The following LINGO2 variants were observed in gnomAD, a reference collection of about 807,000 sequenced individuals.
LINGO2 encodes leucine rich repeat and Ig domain containing 2.
A neutral mutation model predicts 30.6 loss-of-function variants in LINGO2; 14 were observed. The ratio of observed to expected loss-of-function variants is 0.46; its 90% CI spans 0.30 to 0.72. LINGO2 has a LOEUF of 0.72. LINGO2 is among the 30% of genes least tolerant of loss of function. The pLI is 0.07. For missense variants in LINGO2, 729 were observed against 751.7 expected (o/e 0.97, Z 0.35); for synonymous variants, 317 against 288.5 (o/e 1.10, Z -1.00).
intron 1 of LINGO2, among the ~76,000 whole-genome samples, chr9:28,648,695 A>C (rs533438166): frequency 6.6e-6 from 1 of 152,288 alleles, no homozygotes; most frequent in African/African-American, 2.4e-5. Flanking sequence ...TTGACTTCAC[A>C]AGTCTTAGTA....
intron 4 of LINGO2, among the ~76,000 whole-genome samples, chr9:28,135,549 A>G (rs1251273539): frequency 6.6e-6 from 1 of 151,890 alleles, no homozygotes; most frequent in Non-Finnish European, 1.5e-5. Context: ...TCCTCCCCAT[A>G]TCATTTTCAT....
chr9:29,169,445 C>A, the LINGO2 span, among the ~76,000 whole-genome samples: 1 of 151,778 alleles, frequency 6.6e-6, no homozygotes, highest in Admixed American at 6.6e-5. Context: ...AAAAAAAAAT[C>A]CCCATTAAAA....
intron 4 of LINGO2, among the ~76,000 whole-genome samples, chr9:28,293,768 A>G (rs1312505539): frequency 1.3e-5 from 2 of 152,208 alleles, no homozygotes; most frequent in East Asian, 3.9e-4. Flanking sequence ...ATTCTGAAAT[A>G]AAAATAATTA....
At chr9:28,947,717 T>C in the LINGO2 span, among the ~76,000 whole-genome samples, 15 of 151,584 alleles carry the variant, frequency 9.9e-5, no homozygotes, top group East Asian at 9.7e-4. Context: ...TGTATATTTA[T>C]ATATAATATG....
At chr9:28,444,558 C>T (rs1174714557) in intron 2 of LINGO2, among the ~76,000 whole-genome samples, 2 of 152,222 alleles carry the variant, frequency 1.3e-5, no homozygotes, top group South Asian at 2.1e-4. Flanking sequence ...GACCTTGGGG[C>T]TCCCCAAGCC....
chr9:29,084,087 T>C, the LINGO2 span, among the ~76,000 whole-genome samples: 1 of 149,384 alleles, frequency 6.7e-6, no homozygotes, highest in Non-Finnish European at 1.5e-5. Flanking sequence ...GTATAAGTAA[T>C]AAATTTGATT....
At chr9:28,480,534 G>A (rs1211251343) in intron 1 of LINGO2, among the ~76,000 whole-genome samples, 1 of 152,024 alleles carries the variant, frequency 6.6e-6, no homozygotes, top group Non-Finnish European at 1.5e-5. Context: ...GTAGATTGAA[G>A]TGTTTGTTTG....
At chr9:28,822,614 A>G in the LINGO2 span, among the ~76,000 whole-genome samples, 2 of 152,122 alleles carry the variant, frequency 1.3e-5, no homozygotes, top group Admixed American at 1.3e-4. Context: ...TGAAAAGACT[A>G]GACTGGCCTA....
At chr9:28,838,908 C>T in the LINGO2 span, among the ~76,000 whole-genome samples, 1 of 152,210 alleles carries the variant, frequency 6.6e-6, no homozygotes, top group Non-Finnish European at 1.5e-5. Context: ...TGTACACAGG[C>T]AGACACACCG....
intron 5 of LINGO2, among the ~76,000 whole-genome samples, chr9:28,010,375 T>C (rs1311765613): frequency 6.6e-6 from 1 of 152,198 alleles, no homozygotes; most frequent in Non-Finnish European, 1.5e-5. Flanking sequence ...CCTAGACACC[T>C]GGACACTGAG....
chr9:29,184,414 G>GTATT, the LINGO2 span, among the ~76,000 whole-genome samples: 52,457 of 151,566 alleles, frequency 0.35, 10,827 homozygotes, highest in Admixed American at 0.49. Context: ...CCAAGTAAAT[G>GTATT]TATTTTAAAG....
intron 1 of LINGO2, among the ~76,000 whole-genome samples, chr9:28,575,294 G>A (rs1344923547): frequency 2.0e-5 from 3 of 151,878 alleles, no homozygotes; most frequent in African/African-American, 4.8e-5. Flanking sequence ...GCTACTTGGG[G>A]AGGCTGAGGC....
At chr9:28,559,955 A>C (rs1259372154) in intron 1 of LINGO2, among the ~76,000 whole-genome samples, 13 of 152,064 alleles carry the variant, frequency 8.5e-5, no homozygotes, top group Admixed American at 8.5e-4. Flanking sequence ...CAACATCTGT[A>C]CATAGAGTAG....
At chr9:28,948,065 T>C in the LINGO2 span, among the ~76,000 whole-genome samples, 1 of 152,124 alleles carries the variant, frequency 6.6e-6, no homozygotes, top group African/African-American at 2.4e-5. Flanking sequence ...TCCAATTTGA[T>C]GTACCCATCC....
At chr9:29,059,452 A>C in the LINGO2 span, among the ~76,000 whole-genome samples, 1 of 151,446 alleles carries the variant, frequency 6.6e-6, no homozygotes, top group African/African-American at 2.4e-5. Flanking sequence ...AAAAAGAACT[A>C]AGGGACTCAA....
intron 1 of LINGO2, among the ~76,000 whole-genome samples, chr9:28,532,878 A>G (rs1348504796): frequency 1.3e-5 from 2 of 152,166 alleles, no homozygotes; most frequent in East Asian, 3.9e-4. Context: ...ACTGCCTCTT[A>G]TAGACCGAAT....
chr9:28,630,578 C>A (rs370675437), intron 1 of LINGO2, among the ~76,000 whole-genome samples: 17 of 152,170 alleles, frequency 1.1e-4, no homozygotes, highest in African/African-American at 3.8e-4. Context: ...TAGTATCTAT[C>A]AGACTAACAA....
At chr9:28,283,961 G>A (rs1823416462) in intron 4 of LINGO2, among the ~76,000 whole-genome samples, 1 of 152,118 alleles carries the variant, frequency 6.6e-6, no homozygotes, top group Non-Finnish European at 1.5e-5. Context: ...CTTAGAATGA[G>A]TATATTATTT....
the LINGO2 span, among the ~76,000 whole-genome samples, chr9:29,198,952 T>C: frequency 6.6e-6 from 1 of 152,092 alleles, no homozygotes; most frequent in Non-Finnish European, 1.5e-5. Flanking sequence ...CTCTGAGAAA[T>C]ACAGATATCT....
Sources: gnomAD v4.1 joint callset for allele counts (sites outside exome capture counted in the v4.1 genomes callset) on GRCh38, gnomAD v4.1.1 for gene constraint, MANE v1.5 for transcripts, NCBI Gene and HGNC (gene_info 2026-07-23, HGNC 2026-07-21) for gene names.